The following TMEFF2 variants were observed in gnomAD, a reference collection of about 807,000 sequenced individuals.
The protein encoded by TMEFF2 is tomoregulin-2.
A neutral mutation model predicts 53.8 loss-of-function variants in TMEFF2; 28 were observed. That is an observed-to-expected ratio of 0.52 (90% CI 0.39 to 0.71). TMEFF2 has a LOEUF of 0.71. Among genes scored for constraint, TMEFF2 ranks in the 30% least tolerant of loss-of-function variants. The pLI is 0.00. For synonymous variants in TMEFF2, 162 were observed against 166.3 expected, an observed-to-expected ratio of 0.97 and a Z score of 0.20; for missense variants, 353 against 455.2, an observed-to-expected ratio of 0.78 and a Z score of 2.04.
intron 7 of TMEFF2, among the ~76,000 whole-genome samples, chr2:191,985,533 A>G (rs1175306056): frequency 3.9e-5 from 6 of 152,218 alleles, no homozygotes; most frequent in African/African-American, 7.2e-5. Context: ...TTCACAAGAC[A>G]TTGTAAGTTT....
At chr2:192,149,163 C>T (rs1574415754) in intron 4 of TMEFF2, among the ~76,000 whole-genome samples, 1 of 151,840 alleles carries the variant, frequency 6.6e-6, no homozygotes, top group African/African-American at 2.4e-5. Flanking sequence ...ATTGGGAAGT[C>T]GGATGGTTCA....
At chr2:192,046,185 T>G (rs1687616393) in intron 5 of TMEFF2, among the ~76,000 whole-genome samples, 1 of 151,918 alleles carries the variant, frequency 6.6e-6, no homozygotes, top group African/African-American at 2.4e-5. Context: ...ACTAATATGG[T>G]GAAACCCTGT....
At chr2:192,143,439 C>A (rs1225706752) in intron 4 of TMEFF2, among the ~76,000 whole-genome samples, 1 of 151,956 alleles carries the variant, frequency 6.6e-6, no homozygotes. Context: ...AAAAGTCAGC[C>A]TTCTATATTT....
intron 4 of TMEFF2, among the ~76,000 whole-genome samples, chr2:192,106,027 C>T (rs1689137191): frequency 6.6e-6 from 1 of 151,742 alleles, no homozygotes; most frequent in Non-Finnish European, 1.5e-5. Flanking sequence ...AGAACACTTG[C>T]ATTTTTAGGA....
intron 4 of TMEFF2, among the ~76,000 whole-genome samples, chr2:192,075,318 T>TATAAATATAA (rs1559115200): frequency 2.5e-4 from 21 of 85,594 alleles, no homozygotes; most frequent in African/African-American, 4.1e-4. Context: ...TATATATATA[T>TATAAATATAA]ATATATATAT....
chr2:192,193,798 A>AGAGAGAGAGGGGGAGG (rs1553534710), intron 1 of TMEFF2, among the ~76,000 whole-genome samples: 6 of 139,834 alleles, frequency 4.3e-5, no homozygotes, highest in African/African-American at 1.7e-4. Flanking sequence ...AGAGAGAGAG[A>AGAGAGAGAGGGGGAGG]GAGAGAGAGA....
At chr2:192,005,575 T>A (rs534928772) in intron 5 of TMEFF2, among the ~76,000 whole-genome samples, 1 of 152,214 alleles carries the variant, frequency 6.6e-6, no homozygotes. Flanking sequence ...TATTCCTAGT[T>A]AGTTTCAAAG....
intron 4 of TMEFF2, among the ~76,000 whole-genome samples, chr2:192,135,153 T>A (rs2105982881): frequency 6.6e-6 from 1 of 152,310 alleles, no homozygotes; most frequent in African/African-American, 2.4e-5. Context: ...ACTCCTATTC[T>A]CCGTTCTCAA....
intron 8 of TMEFF2, among the ~76,000 whole-genome samples, chr2:191,954,431 AT>A (rs890476822): frequency 6.6e-4 from 101 of 152,308 alleles, no homozygotes; most frequent in African/African-American, 2.3e-3. Context: ...GAGATAATAC[AT>A]GTCCAGGAAT....
rs140131137 is a variant in TMEFF2, at chr2:192,059,327, A to G, written c.440-1552T>C. ...AAGGAATTTTAGACTCTGATAAAAT[A>G]GACAGCACTTATCTTATTATTCACT... is the stretch of plus-strand genomic sequence containing the variant. On this transcript the variant is annotated intron_variant, in intron 4 of 9. Transcript: ENST00000272771. Among the ~76,000 whole-genome samples, 648 of 152,230 alleles carry G rather than the reference A, an allele frequency of 4.3e-3. 16 individuals are homozygous for G. The highest frequency in any genetic ancestry group is 0.04 in the Admixed American group (608 of 15,274).
rs186188780 is a variant in TMEFF2, at chr2:192,163,295, T to C, written c.439+16373A>G. Among the ~76,000 whole-genome samples, 6 of 152,348 alleles carry C rather than the reference T, an allele frequency of 3.9e-5. No individual in the cohort carries two copies. The East Asian group carries it at 1.2e-3, about 29-fold the overall frequency. ...AGGAGAAATGCTCCAAAGGTGTTGC[T>C]AGTGATAAGCTGTTACAGAAAAAAT... is the stretch of plus-strand genomic sequence containing the variant. On this transcript the variant is annotated intron_variant, in intron 4 of 9. Transcript: ENST00000272771.
intron 3 of TMEFF2, among the ~76,000 whole-genome samples, chr2:192,180,133 A>G (rs1226787268): frequency 6.6e-6 from 1 of 151,670 alleles, no homozygotes; most frequent in East Asian, 1.9e-4. Context: ...ACAAAGAGAA[A>G]AGCAGTTTAA....
intron 4 of TMEFF2, among the ~76,000 whole-genome samples, chr2:192,147,395 T>C (rs1254046997): frequency 2.0e-5 from 3 of 152,092 alleles, no homozygotes; most frequent in Admixed American, 6.6e-5. Flanking sequence ...GTTTGTTACA[T>C]ATGTATACAT....
At chr2:192,144,938 A>G (rs923622655) in intron 4 of TMEFF2, among the ~76,000 whole-genome samples, 12 of 151,974 alleles carry the variant, frequency 7.9e-5, no homozygotes, top group Admixed American at 3.9e-4. Flanking sequence ...TAACATTTTC[A>G]AAAAAATACA....
chr2:192,154,013 A>T (rs950297428), intron 4 of TMEFF2, among the ~76,000 whole-genome samples: 1 of 151,930 alleles, frequency 6.6e-6, no homozygotes, highest in African/African-American at 2.4e-5. Flanking sequence ...AAGGCAGAGG[A>T]AGTTAAATGC....
intron 7 of TMEFF2, among the ~76,000 whole-genome samples, chr2:191,977,828 T>C (rs1685768344): frequency 6.6e-6 from 1 of 152,232 alleles, no homozygotes; most frequent in African/African-American, 2.4e-5. Context: ...AATATCCATA[T>C]TCCTCTTTTC....
rs927797173 is a variant in TMEFF2 at position 192,125,278 on chromosome 2, G to A, written c.439+54390C>T. 2.0e-5 allele frequency among the ~76,000 whole-genome samples: 3 copies of A among 152,026 alleles called. No homozygotes were observed. In the East Asian group the frequency reaches 5.8e-4, roughly 29 times the overall value. ...CTTAAAATAAACGTTACAGGGAGAA[G>A]ATAAACAAGTAAAACATACAATTAT... On this transcript the variant is annotated intron_variant, in intron 4 of 9. Coordinates refer to ENST00000272771, the MANE Select transcript of TMEFF2 (RefSeq NM_016192.4).
intron 7 of TMEFF2, among the ~76,000 whole-genome samples, chr2:191,966,795 TAGC>T (rs1276094321): frequency 2.0e-5 from 3 of 152,306 alleles, no homozygotes; most frequent in Non-Finnish European, 2.9e-5. Context: ...ACACCACAAT[TAGC>T]AGCACAGATA....
intron 5 of TMEFF2, among the ~76,000 whole-genome samples, chr2:192,024,537 G>A (rs1686925021): frequency 6.6e-6 from 1 of 152,214 alleles, no homozygotes; most frequent in South Asian, 2.1e-4. Flanking sequence ...TTTAAAATTT[G>A]AGTTAGAATT....
Sources: allele counts gnomAD v4.1 joint callset (sites outside exome capture counted in the v4.1 genomes callset), GRCh38; gene constraint gnomAD v4.1.1; transcripts MANE v1.5; gene names NCBI Gene and HGNC (gene_info 2026-07-23, HGNC 2026-07-21).